The following NOX4 variants were observed in gnomAD, a reference collection of about 807,000 sequenced individuals.
NOX4 encodes the protein kidney oxidase-1.
NOX4 carries 69 observed loss-of-function variants against 87.6 expected under a neutral mutation model. The ratio of observed to expected loss-of-function variants is 0.79; its 90% confidence interval spans 0.65 to 0.96. The LOEUF (loss-of-function observed/expected upper bound fraction) is 0.96. Ranked by LOEUF, NOX4 falls within the 40% of genes least tolerant of loss-of-function variation. The pLI, the probability that NOX4 is intolerant of heterozygous loss-of-function variation, is 0.00. For missense variants in NOX4, 680 were observed against 681.5 expected (o/e 1.00, Z 0.02); for synonymous variants, 275 against 238.2 (o/e 1.15, Z -1.42).
intron 2 of NOX4, among the ~76,000 whole-genome samples, chr11:89,473,795 C>T (rs189044701): frequency 1.1e-4 from 16 of 152,184 alleles, no homozygotes; most frequent in African/African-American, 3.6e-4. Flanking sequence ...TGAATGAAGT[C>T]GACTCTCTTC....
chr11:89,382,571 G>A (rs1940371197), intron 11 of NOX4, among the ~76,000 whole-genome samples: 1 of 151,852 alleles, frequency 6.6e-6, no homozygotes. Flanking sequence ...CCAACCCCAA[G>A]TGTTGCTGAG....
At chr11:89,522,685 G>A in the NOX4 span, among the ~76,000 whole-genome samples, 3 of 152,062 alleles carry the variant, frequency 2.0e-5, no homozygotes, top group African/African-American at 7.2e-5. Flanking sequence ...AATATTTGAG[G>A]TTGATTCAGA....
intron 6 of NOX4, among the ~76,000 whole-genome samples, chr11:89,434,988 G>A (rs1340670616): frequency 1.3e-5 from 2 of 151,968 alleles, no homozygotes; most frequent in Non-Finnish European, 2.9e-5. Context: ...CGTTATAAAA[G>A]AGCACAAAAA....
chr11:89,461,706 C>G (rs56075294), intron 2 of NOX4, among the ~76,000 whole-genome samples: 8,895 of 144,140 alleles, frequency 0.062, 805 homozygotes, highest in African/African-American at 0.21. Flanking sequence ...TAACATTATG[C>G]AGCAGAAGAA....
At chr11:89,541,775 A>G in the NOX4 span, among the ~76,000 whole-genome samples, 815 of 152,300 alleles carry the variant, frequency 5.4e-3, 3 homozygotes, top group African/African-American at 0.019. Flanking sequence ...TCATTTGATA[A>G]AAGACAAAAA....
chr11:89,347,674 C>T (rs182361204), intron 13 of NOX4, among the ~76,000 whole-genome samples: 1 of 152,274 alleles, frequency 6.6e-6, no homozygotes, highest in Non-Finnish European at 1.5e-5. Flanking sequence ...AAAGCTCTTT[C>T]CTTCTCCCTC....
intron 2 of NOX4, among the ~76,000 whole-genome samples, chr11:89,468,969 A>T (rs554019718): frequency 2.6e-5 from 4 of 152,180 alleles, no homozygotes; most frequent in African/African-American, 9.6e-5. Flanking sequence ...GCCTCAAGTG[A>T]TCCTCCAGCC....
chr11:89,427,511 T>C (rs1943499468), intron 7 of NOX4, among the ~76,000 whole-genome samples: 1 of 151,760 alleles, frequency 6.6e-6, no homozygotes, highest in Admixed American at 6.6e-5. Context: ...GAATAACCAG[T>C]GTAGAGAAGT....
chr11:89,556,432 A>G, the NOX4 span, among the ~76,000 whole-genome samples: 1 of 151,648 alleles, frequency 6.6e-6, no homozygotes, highest in Non-Finnish European at 1.5e-5. Flanking sequence ...CTTAGGCAGG[A>G]GAATGGCTTG....
At chr11:89,496,569 C>A (rs1946954388), upstream of NOX4, among the ~76,000 whole-genome samples, 2 of 144,980 alleles carry the variant, frequency 1.4e-5, no homozygotes, top group Admixed American at 6.8e-5. Context: ...AATGATAGAT[C>A]AATAGAGCTG....
chr11:89,536,133 CTTTTCTTTTTT>C, the NOX4 span, among the ~76,000 whole-genome samples: 1 of 134,752 alleles, frequency 7.4e-6, no homozygotes, highest in African/African-American at 3.0e-5. Flanking sequence ...TGATCTGGTC[CTTTTCTTTTTT>C]TTTTTTTTTT....
chr11:89,456,070 G>A (rs1313465215), intron 2 of NOX4, among the ~76,000 whole-genome samples: 1 of 151,926 alleles, frequency 6.6e-6, no homozygotes, highest in East Asian at 1.9e-4. Context: ...CTAAAAGAGT[G>A]GAATTACAAT....
At chr11:89,415,198 A>G (rs1028071840) in intron 8 of NOX4, among the ~76,000 whole-genome samples, 2 of 152,048 alleles carry the variant, frequency 1.3e-5, no homozygotes, top group African/African-American at 2.4e-5. Flanking sequence ...AGTGCTAAGA[A>G]TAGTCCCTGT....
chr11:89,349,403 T>C (rs1946357929), intron 13 of NOX4, among the ~76,000 whole-genome samples: 2 of 151,976 alleles, frequency 1.3e-5, no homozygotes. Flanking sequence ...ATAGATGATA[T>C]CTTGAAGAAG....
At chr11:89,355,317 A>G (rs1188624928) in intron 12 of NOX4, among the ~76,000 whole-genome samples, 1 of 147,510 alleles carries the variant, frequency 6.8e-6, no homozygotes, top group Non-Finnish European at 1.5e-5. Context: ...TATAAATAAT[A>G]TATATTCATA....
chr11:89,369,405 G>T (rs1939269842), intron 12 of NOX4, among the ~76,000 whole-genome samples: 1 of 152,030 alleles, frequency 6.6e-6, no homozygotes. Flanking sequence ...ACTCCCCATG[G>T]ACCAAAACAC....
chr11:89,506,809 G>A, the NOX4 span, among the ~76,000 whole-genome samples: 868 of 151,852 alleles, frequency 5.7e-3, 8 homozygotes, highest in African/African-American at 0.02. Context: ...AATAAGCATA[G>A]GCAAACATAA....
the NOX4 span, among the ~76,000 whole-genome samples, chr11:89,573,561 C>T: frequency 1.3e-5 from 2 of 152,148 alleles, no homozygotes. Flanking sequence ...TTACTGGTGG[C>T]AGATATCTGA....
At chr11:89,394,062 C>G (rs145336321) in intron 11 of NOX4, among the ~76,000 whole-genome samples, 2 of 152,034 alleles carry the variant, frequency 1.3e-5, no homozygotes, top group African/African-American at 4.8e-5. Flanking sequence ...GCAGGCCAGG[C>G]CATAGAAGGG....
Sources: allele counts gnomAD v4.1 joint callset (sites outside exome capture counted in the v4.1 genomes callset), GRCh38; gene constraint gnomAD v4.1.1; transcripts MANE v1.5; gene names NCBI Gene and HGNC (gene_info 2026-07-23, HGNC 2026-07-21).